Variants in COBL observed in about 807,000 individuals in gnomAD.
COBL encodes the protein protein cordon-bleu.
COBL carries 51 observed loss-of-function variants against 98.8 expected under a neutral mutation model. The observed-to-expected ratio is 0.52, with a 90% CI of 0.41 to 0.65. The LOEUF is 0.65. COBL is among the 30% of genes least tolerant of loss of function. The pLI is 0.00. For synonymous variants in COBL, 634 were observed against 651.7 expected, an observed-to-expected ratio of 0.97 and a Z score of 0.41; for missense variants, 1,617 against 1,617.5, an observed-to-expected ratio of 1.00 and a Z score of 0.01.
At chr7:51,220,319 C>G (rs922587938) in intron 1 of COBL, among the ~76,000 whole-genome samples, 1 of 152,116 alleles carries the variant, frequency 6.6e-6, no homozygotes. Context: ...CAGGTGGGCT[C>G]ACTAACACAT....
At position 51,017,469 on chromosome 7, in the gene COBL, G is replaced by A. The variant is rs369210277; in HGVS notation, c.*82C>T. ...CAAGAAAGTAACACCAAAACTTGAT[G>A]TTCCTGGCTATGCAGACTCCTTGAG... On this transcript the variant is annotated 3_prime_UTR_variant, in exon 13 of 13. Transcript: ENST00000265136. The A allele has an allele frequency of 1.4e-6, 2 of 1,435,888 alleles. No homozygotes were observed. The highest frequency in any genetic ancestry group is 2.8e-5 in the African/African-American group (2 of 71,244). The allele number at this position is 1,435,888 out of a possible 1,614,324, so 88.9% of individuals were successfully genotyped here.
chr7:51,155,287 A>G (rs946827325), intron 5 of COBL, among the ~76,000 whole-genome samples: 10 of 152,158 alleles, frequency 6.6e-5, no homozygotes, highest in African/African-American at 2.4e-4. Context: ...TTACTTGGTA[A>G]TAGAAAGACT....
intron 8 of COBL, chr7:51,032,493 A>G (rs12719025): frequency 0.3 from 45,503 of 152,228 alleles, 8,592 homozygotes; most frequent in Non-Finnish European, 0.44. Context: ...AATCAGGCCC[A>G]GATAATGATG....
At chr7:51,138,640 G>C (rs552232087) in intron 5 of COBL, among the ~76,000 whole-genome samples, 1 of 152,342 alleles carries the variant, frequency 6.6e-6, no homozygotes, top group East Asian at 1.9e-4. Context: ...TCTGCTGACA[G>C]TGACTGCACA....
At chr7:51,260,414 G>A (rs1325810500) in intron 1 of COBL, among the ~76,000 whole-genome samples, 1 of 152,152 alleles carries the variant, frequency 6.6e-6, no homozygotes, top group Non-Finnish European at 1.5e-5. Flanking sequence ...TCTTCCATGG[G>A]TCAGTATCTG....
chr7:51,259,794 G>T (rs1797554021), intron 1 of COBL: 3 of 751,084 alleles, frequency 4.0e-6, no homozygotes, highest in Admixed American at 3.4e-5. Flanking sequence ...TTTAGGTTCT[G>T]GGGGGTGACT....
intron 6 of COBL, among the ~76,000 whole-genome samples, chr7:51,108,362 C>G (rs557878697): frequency 8.5e-5 from 13 of 152,266 alleles, no homozygotes; most frequent in African/African-American, 2.9e-4. Flanking sequence ...ATACACCACG[C>G]TTTATGTGCT....
At chr7:51,033,041 T>C (rs1788306794) in intron 8 of COBL, 2 of 152,076 alleles carry the variant, frequency 1.3e-5, no homozygotes, top group Non-Finnish European at 2.9e-5. Context: ...CTATGAGACA[T>C]GGAACATAAT....
chr7:51,187,138 G>T (rs990367893), intron 4 of COBL, among the ~76,000 whole-genome samples: 4 of 152,004 alleles, frequency 2.6e-5, no homozygotes, highest in African/African-American at 9.7e-5. Flanking sequence ...GGCAGAGAAG[G>T]ATGAAGGACC....
intron 7 of COBL, among the ~76,000 whole-genome samples, chr7:51,063,975 C>T (rs2128914192): frequency 6.6e-6 from 1 of 152,312 alleles, no homozygotes; most frequent in Non-Finnish European, 1.5e-5. Flanking sequence ...ACCCTGAGTC[C>T]ATGCAGCCTG....
At chr7:51,265,086 G>A (rs563819441) in intron 1 of COBL, among the ~76,000 whole-genome samples, 6 of 152,220 alleles carry the variant, frequency 3.9e-5, no homozygotes, top group South Asian at 2.1e-4. Context: ...GACAACCAGC[G>A]GCAGCACTTC....
intron 1 of COBL, among the ~76,000 whole-genome samples, chr7:51,229,442 C>T (rs1048157594): frequency 6.6e-6 from 1 of 152,188 alleles, no homozygotes; most frequent in East Asian, 1.9e-4. Context: ...CGCCTTTCAT[C>T]GGGATGCCTG....
At chr7:51,196,668 G>A (rs1247468559) in intron 2 of COBL, among the ~76,000 whole-genome samples, 1 of 151,122 alleles carries the variant, frequency 6.6e-6, no homozygotes, top group Non-Finnish European at 1.5e-5. Context: ...TTTTTTTTTG[G>A]TTGGTAGGCT....
rs770765660 is a variant in COBL, at chr7:51,029,078, T to G, written c.2018A>C (p.Glu673Ala). 4 of 1,614,226 alleles carry G rather than the reference T, an allele frequency of 2.5e-6. No homozygotes were observed. In the South Asian group the frequency reaches 3.3e-5, roughly 13 times the overall value. ...AGCGTTTTTATCGTTGCTGTCCTTT[T>G]CATTCACCGGTTGGGAATTCACTCT... ...TERVNSQPVN[E>A]KDSNDKNAAL... The change falls in exon 10 of 13, where the codon GAA becomes GCA. Residue 673 changes from glutamate (E) to alanine (A), a missense_variant. By Grantham distance (107) the Glu-to-Ala change is moderately radical. This residue lies in a region of COBL where 1,304 missense variants were observed against 1,282.0 expected (regional missense o/e 1.02). Transcript: ENST00000265136.
intron 12 of COBL, among the ~76,000 whole-genome samples, chr7:51,018,907 T>TC (rs1433370133): frequency 1.1e-4 from 1 of 9,218 alleles, no homozygotes; most frequent in Non-Finnish European, 2.1e-4. Flanking sequence ...AAAAAAAAAA[T>TC]ATATATATAT....
At chr7:51,065,638 C>T (rs114566089) in intron 7 of COBL, among the ~76,000 whole-genome samples, 334 of 152,320 alleles carry the variant, frequency 2.2e-3, no homozygotes, top group African/African-American at 7.8e-3. Context: ...GTCCGGGTCT[C>T]CCCTGTGCAT....
intron 1 of COBL, among the ~76,000 whole-genome samples, chr7:51,221,675 G>A (rs767366252): frequency 2.0e-5 from 3 of 152,154 alleles, no homozygotes; most frequent in Non-Finnish European, 4.4e-5. Context: ...TAAAGAATTG[G>A]CAAAAATGAC....
chr7:51,120,646 C>T (rs149371119), intron 6 of COBL, among the ~76,000 whole-genome samples: 10 of 152,164 alleles, frequency 6.6e-5, no homozygotes, highest in African/African-American at 2.4e-4. Flanking sequence ...AATTCCCACC[C>T]CCCAGGCCCT....
intron 12 of COBL, among the ~76,000 whole-genome samples, chr7:51,017,885 A>T (rs1253097596): frequency 1.3e-5 from 2 of 152,214 alleles, no homozygotes; most frequent in African/African-American, 4.8e-5. Context: ...CTGTGTGGGT[A>T]CGCATCTGAG....
Sources: gnomAD v4.1 joint callset for allele counts (sites outside exome capture counted in the v4.1 genomes callset) on GRCh38, gnomAD v4.1.1 for gene constraint, gnomAD v4.1.1 regional missense constraint, MANE v1.5 for transcripts, NCBI Gene and HGNC (gene_info 2026-07-23, HGNC 2026-07-21) for gene names.